Variants in SORCS2 observed in about 807,000 individuals in gnomAD.
SORCS2 encodes sortilin related VPS10 domain containing receptor 2.
A neutral mutation model predicts 141.6 loss-of-function variants in SORCS2; 100 were observed. That is an observed-to-expected ratio of 0.71 (90% CI 0.60 to 0.83). The LOEUF is 0.83. Ranked by LOEUF, SORCS2 falls within the 40% of genes least tolerant of loss-of-function variation. The probability of loss-of-function intolerance (pLI) is 0.00; values close to 1 mark genes in which losing one functional copy is unlikely to be tolerated. For synonymous variants in SORCS2, 789 were observed against 676.9 expected, an observed-to-expected ratio of 1.17 and a Z score of -2.57; for missense variants, 1,646 against 1,560.2, an observed-to-expected ratio of 1.05 and a Z score of -0.93.
Position 7,712,720 on chromosome 4 carries a change from C to G in SORCS2, c.1869-13C>G. ...GGTGGTTTTCTCTCCCTTCCCTCCT[C>G]TTCCCACCCCAGGGTCTTTGGCCAC... On this transcript the variant is annotated splice_polypyrimidine_tract_variant and intron_variant, in intron 14 of 26. Coordinates refer to ENST00000507866, the MANE Select transcript of SORCS2 (RefSeq NM_020777.3). The G allele has an allele frequency of 6.2e-7, 1 of 1,613,954 alleles. No homozygotes were observed. The highest frequency in any genetic ancestry group is 2.2e-5 in the East Asian group (1 of 44,872).
At position 7,286,201 on chromosome 4, in the gene SORCS2, G is replaced by A. The variant is rs886768617; in HGVS notation, c.480+93075G>A. Reference sequence around the variant, plus strand: ...AGGCCTGTGCCGGTCCTCACTGCACGACTCGGACCCTGAGTCTCCTCGCGT... The same window carrying A: ...AGGCCTGTGCCGGTCCTCACTGCACAACTCGGACCCTGAGTCTCCTCGCGT... On this transcript the variant is annotated intron_variant, in intron 1 of 26. Transcript: ENST00000507866. The surrounding 1 kb of genome is among the most constrained non-coding windows in gnomAD (Gnocchi z 4.1). Among the ~76,000 whole-genome samples the A allele has an allele frequency of 6.6e-6, 1 of 152,198 alleles. No individual in the cohort carries two copies.
intron 11 of SORCS2, among the ~76,000 whole-genome samples, chr4:7,690,572 G>A (rs1034539505): frequency 2.0e-5 from 3 of 151,516 alleles, no homozygotes; most frequent in Non-Finnish European, 4.4e-5. Flanking sequence ...GATGGGTGGT[G>A]GATAGGCAGA....
At chr4:7,394,741 C>T (rs1385938687) in intron 1 of SORCS2, among the ~76,000 whole-genome samples, 1 of 152,028 alleles carries the variant, frequency 6.6e-6, no homozygotes, top group African/African-American at 2.4e-5. Context: ...CAGCAGGGTG[C>T]GCCCCAAACC....
At chr4:7,620,638 G>A (rs531872308) in intron 3 of SORCS2, among the ~76,000 whole-genome samples, 11 of 152,346 alleles carry the variant, frequency 7.2e-5, no homozygotes, top group African/African-American at 2.4e-4. Flanking sequence ...CTATGGAGGC[G>A]GTGGGTGTTG....
rs765359701 is a variant in SORCS2 at position 7,726,812 on chromosome 4, G to C, written c.2778G>C (p.Thr926=). 63 of 1,613,664 alleles carry C rather than the reference G, an allele frequency of 3.9e-5. No homozygotes were observed. Among genetic ancestry groups the C allele is most frequent in the Non-Finnish European group, 4.7e-5 (55 of 1,179,840 alleles). ...TTTCCCTGGATAATTCTGTGACAAC[G>C]CGGTTTTCGGACACGGGCGACGTGC... The part of the protein sequence containing the change: ...PLLSLDNSVT[T]RFSDTGDVRV... Residue 926 remains threonine (T), a synonymous_variant, in exon 21 of 27, where the codon ACG becomes ACC. Transcript: ENST00000507866.
At chr4:7,633,271 C>T (rs1448657528) in intron 3 of SORCS2, among the ~76,000 whole-genome samples, 7 of 152,140 alleles carry the variant, frequency 4.6e-5, no homozygotes, top group African/African-American at 7.2e-5. Context: ...AGGAGTTTGC[C>T]GTGGCTGATG....
At chr4:7,653,521 G>A (rs1721566110) in intron 4 of SORCS2, among the ~76,000 whole-genome samples, 1 of 152,216 alleles carries the variant, frequency 6.6e-6, no homozygotes, top group African/African-American at 2.4e-5. Flanking sequence ...GGGATTACAG[G>A]CGTGAGCCAC....
chr4:7,404,244 A>G (rs1034084345), intron 2 of SORCS2, among the ~76,000 whole-genome samples: 3 of 152,012 alleles, frequency 2.0e-5, no homozygotes, highest in Non-Finnish European at 4.4e-5. Context: ...CCAGTCATCC[A>G]TTGATAGACA....
intron 2 of SORCS2, among the ~76,000 whole-genome samples, chr4:7,446,429 A>G (rs1014824161): frequency 1.3e-5 from 2 of 152,178 alleles, no homozygotes; most frequent in East Asian, 1.9e-4. Flanking sequence ...AGGGGACACA[A>G]TTCTACCCAT....
rs774835918 is a variant in SORCS2 at position 7,531,619 on chromosome 4, A to G, written c.638A>G (p.Asn213Ser). 1 of 1,613,636 alleles carries G rather than the reference A, an allele frequency of 6.2e-7. No individual in the cohort carries two copies. The highest frequency in any genetic ancestry group is 2.2e-5 in the East Asian group (1 of 44,878). The change falls in exon 3 of 27, where the codon AAC (asparagine) becomes AGC (serine). Residue 213 changes from asparagine (N) to serine (S), a missense_variant. By Grantham distance (46) the Asn-to-Ser change is conservative. Coordinates refer to ENST00000507866, the MANE Select transcript of SORCS2 (RefSeq NM_020777.3). ...VIDNFYICPT[N>S]KRKVILVSSS... ...GACAATTTCTACATCTGCCCGACCA[A>G]CAAGAGGAAGGTAGGTGCTGGCTGG...
At chr4:7,623,114 T>G (rs1577855572) in intron 3 of SORCS2, among the ~76,000 whole-genome samples, 1 of 151,918 alleles carries the variant, frequency 6.6e-6, no homozygotes, top group Admixed American at 6.6e-5. Flanking sequence ...CAGCCAGTGG[T>G]GCCCAGGGAC....
chr4:7,232,336 A>G (rs1711950590), intron 1 of SORCS2, among the ~76,000 whole-genome samples: 2 of 152,286 alleles, frequency 1.3e-5, no homozygotes, highest in South Asian at 2.1e-4. Flanking sequence ...GAGCCAGCCC[A>G]GTGCCTGTTC....
At chr4:7,207,349 C>T (rs1284751318) in intron 1 of SORCS2, among the ~76,000 whole-genome samples, 1 of 152,254 alleles carries the variant, frequency 6.6e-6, no homozygotes, top group Non-Finnish European at 1.5e-5. Context: ...CCCGCCCACA[C>T]AGCCTGGGCC....
At chr4:7,320,831 A>T (rs780447654) in intron 1 of SORCS2, among the ~76,000 whole-genome samples, 3 of 152,092 alleles carry the variant, frequency 2.0e-5, no homozygotes, top group Non-Finnish European at 4.4e-5. Flanking sequence ...GCATTCACTT[A>T]AAGAAGGTGA....
At chr4:7,282,289 A>G (rs1478324706) in intron 1 of SORCS2, among the ~76,000 whole-genome samples, 2 of 152,236 alleles carry the variant, frequency 1.3e-5, no homozygotes, top group Admixed American at 6.5e-5. Context: ...ACTTCTTTGA[A>G]GGTTTACCAG....
intron 8 of SORCS2, among the ~76,000 whole-genome samples, chr4:7,669,077 A>G (rs1031421994): frequency 6.6e-6 from 1 of 152,222 alleles, no homozygotes; most frequent in African/African-American, 2.4e-5. Context: ...TGAGATTTGC[A>G]GGAAGCACCA....
intron 1 of SORCS2, among the ~76,000 whole-genome samples, chr4:7,388,169 G>C (rs1054146092): frequency 6.6e-6 from 1 of 152,090 alleles, no homozygotes; most frequent in Non-Finnish European, 1.5e-5. Flanking sequence ...CACACCTGAA[G>C]CTGGGAGACA....
rs765282007 is a variant in SORCS2, at chr4:7,652,153, G to A, written c.814-1981G>A. On this transcript the variant is annotated intron_variant, in intron 4 of 26. Transcript: ENST00000507866. ...TCTGATAGAGATGCCTTCCCCACCC[G>A]ACACGCTGCTGTGCCCAAGAGCTGG... 5.3e-5 allele frequency among the ~76,000 whole-genome samples: 8 copies of A among 152,134 alleles called. No individual in the cohort carries two copies. The East Asian group carries it at 1.2e-3, about 22-fold the overall frequency.
At chr4:7,727,977 G>T (rs7679804) in intron 21 of SORCS2, among the ~76,000 whole-genome samples, 116,763 of 152,124 alleles carry the variant, frequency 0.77, 45,021 homozygotes, top group East Asian at 0.87. Flanking sequence ...GTGTGTTCAT[G>T]CTTGTGAGTC....
Sources: allele counts gnomAD v4.1 joint callset (sites outside exome capture counted in the v4.1 genomes callset), GRCh38; gene constraint gnomAD v4.1.1; non-coding constraint Gnocchi (gnomAD v3.1); transcripts MANE v1.5; gene names NCBI Gene and HGNC (gene_info 2026-07-23, HGNC 2026-07-21).